Variants in TMEM135 observed in about 807,000 individuals in gnomAD.
The protein encoded by TMEM135 is peroxisomal membrane protein 52.
Under a neutral mutation model 60.3 loss-of-function variants are expected in TMEM135, and 30 were observed. The observed-to-expected ratio is 0.50, with a 90% CI of 0.37 to 0.68. TMEM135 has a LOEUF of 0.68. Ranked by LOEUF, TMEM135 falls within the 30% of genes least tolerant of loss-of-function variation. The pLI, the probability that TMEM135 is intolerant of heterozygous loss-of-function variation, is 0.00. For synonymous variants in TMEM135, 190 were observed against 186.7 expected (o/e 1.02, Z -0.14); for missense variants, 468 against 548.8 (o/e 0.85, Z 1.47).
intron 9 of TMEM135, among the ~76,000 whole-genome samples, chr11:87,307,970 G>A (rs1344178944): frequency 6.6e-6 from 1 of 151,972 alleles, no homozygotes; most frequent in Admixed American, 6.5e-5. Flanking sequence ...TCTCTTTTGG[G>A]TCTATTTAAA....
chr11:87,173,644 A>G (rs1275448783), intron 5 of TMEM135, among the ~76,000 whole-genome samples: 1 of 152,166 alleles, frequency 6.6e-6, no homozygotes, highest in Non-Finnish European at 1.5e-5. Context: ...CCTGTTCTAA[A>G]TCTTAACTTA....
intron 7 of TMEM135, 65 bp from the exon 8 acceptor site, chr11:87,302,230 TC>T: frequency 6.7e-7 from 1 of 1,489,566 alleles, no homozygotes; most frequent in Non-Finnish European, 9.2e-7. Context: ...ATAAACAAAG[TC>T]TTTTTTTTTT....
chr11:87,144,992 A>T (rs1470123542), intron 4 of TMEM135, among the ~76,000 whole-genome samples: 1 of 152,070 alleles, frequency 6.6e-6, no homozygotes, highest in Non-Finnish European at 1.5e-5. Context: ...AGCAATTTGG[A>T]AATGTGCTGT....
In TMEM135 at chr11:87,325,945, T is replaced by C; in HGVS notation, c.*4612T>C. ...TTACATGAAATAATGTATTGGGTTT[T>C]ATCTTTTGTCCCAGCAGACCTGAAA... On this transcript the variant is annotated 3_prime_UTR_variant, in exon 15 of 15. Coordinates refer to ENST00000305494, the MANE Select transcript of TMEM135 (RefSeq NM_022918.4). 2.2e-6 allele frequency: 1 copy of C among 454,074 alleles called. No homozygotes were observed. The highest frequency in any genetic ancestry group is 4.4e-6 in the Non-Finnish European group (1 of 226,794). The allele number at this position is 454,074 out of a possible 1,614,324, so 28.1% of individuals were successfully genotyped here.
intron 5 of TMEM135, among the ~76,000 whole-genome samples, chr11:87,161,488 T>G (rs187613603): frequency 1.7e-4 from 26 of 152,236 alleles, no homozygotes; most frequent in African/African-American, 6.0e-4. Flanking sequence ...AAAGCAGAAA[T>G]TGGTGTTTTT....
chr11:87,266,180 A>G (rs539443143), intron 6 of TMEM135, among the ~76,000 whole-genome samples: 8 of 152,254 alleles, frequency 5.3e-5, no homozygotes, highest in Non-Finnish European at 1.0e-4. Flanking sequence ...AGAGTTATCT[A>G]TATTACAACT....
At chr11:87,065,658 T>A (rs1417421935) in intron 1 of TMEM135, among the ~76,000 whole-genome samples, 1 of 152,196 alleles carries the variant, frequency 6.6e-6, no homozygotes, top group East Asian at 1.9e-4. Context: ...AGAGAAAAAG[T>A]TTGAATTTTG....
At position 87,304,817 on chromosome 11, in the gene TMEM135, A is replaced by C. The variant is rs539142295; in HGVS notation, c.699-1119A>C. 7.9e-5 allele frequency among the ~76,000 whole-genome samples: 12 copies of C among 152,366 alleles called. No homozygotes were observed. The East Asian group carries it at 2.1e-3, about 27-fold the overall frequency. On this transcript the variant is annotated intron_variant, in intron 8 of 14. Coordinates refer to ENST00000305494, the MANE Select transcript of TMEM135 (RefSeq NM_022918.4). ...TAATTAATTAGCTACAATCTGAAAG[A>C]AGTTATAAAGACCGCTTATTTTGGA...
intron 1 of TMEM135, among the ~76,000 whole-genome samples, chr11:87,065,822 C>T (rs959595118): frequency 6.6e-6 from 1 of 152,132 alleles, no homozygotes; most frequent in Non-Finnish European, 1.5e-5. Context: ...GCCTGTGATC[C>T]ATTTTAAATT....
chr11:87,119,892 A>C (rs1334552446), intron 4 of TMEM135, among the ~76,000 whole-genome samples: 3 of 152,226 alleles, frequency 2.0e-5, no homozygotes, highest in Non-Finnish European at 4.4e-5. Flanking sequence ...TTTTAAAAAA[A>C]AAAAAACAGT....
chr11:87,166,855 G>A (rs964871439), intron 5 of TMEM135, among the ~76,000 whole-genome samples: 33 of 152,042 alleles, frequency 2.2e-4, no homozygotes, highest in African/African-American at 7.3e-4. Flanking sequence ...GTCAATGGTA[G>A]CTTGATGGGG....
intron 6 of TMEM135, among the ~76,000 whole-genome samples, chr11:87,276,851 T>C (rs185826679): frequency 6.6e-6 from 1 of 151,798 alleles, no homozygotes; most frequent in African/African-American, 2.4e-5. Flanking sequence ...TTTGTATTTT[T>C]AGTAGTGACA....
At position 87,278,939 on chromosome 11, in the gene TMEM135, G is replaced by A. The variant is rs115347394; in HGVS notation, c.510-16843G>A. On this transcript the variant is annotated intron_variant, in intron 6 of 14. Transcript: ENST00000305494. ...AACTTTTTTCTAGAATTTCACACCA[G>A]TGGAATCATACAGTATGCACCTTTG... 4.2e-3 allele frequency among the ~76,000 whole-genome samples: 636 copies of A among 152,044 alleles called. 4 individuals are homozygous for A. Among genetic ancestry groups the A allele is most frequent in the African/African-American group, 0.015 (603 of 41,482 alleles).
At chr11:87,287,982 A>G (rs1416434735) in intron 6 of TMEM135, among the ~76,000 whole-genome samples, 3 of 152,186 alleles carry the variant, frequency 2.0e-5, no homozygotes, top group African/African-American at 4.8e-5. Flanking sequence ...AACTGTACAA[A>G]TAATATATAA....
chr11:87,097,539 T>G (rs557973278), intron 4 of TMEM135, among the ~76,000 whole-genome samples: 2 of 152,212 alleles, frequency 1.3e-5, no homozygotes, highest in Non-Finnish European at 2.9e-5. Context: ...CTTTTGCCAA[T>G]GTTACCAAAG....
intron 6 of TMEM135, among the ~76,000 whole-genome samples, chr11:87,245,394 G>C (rs185500755): frequency 0.31 from 18,696 of 60,302 alleles, 4,223 homozygotes; most frequent in Middle Eastern, 0.42. Context: ...GAGTTCAATT[G>C]CTAGGTATCC....
At chr11:87,236,613 G>A (rs760278204) in intron 5 of TMEM135, 25 bp from the exon 6 acceptor site, 4 of 1,608,624 alleles carry the variant, frequency 2.5e-6, no homozygotes, top group Non-Finnish European at 3.4e-6. Context: ...TCTTTTGCAA[G>A]TAATATATTT....
chr11:87,190,225 C>T (rs1939765354), intron 5 of TMEM135, among the ~76,000 whole-genome samples: 1 of 152,140 alleles, frequency 6.6e-6, no homozygotes, highest in African/African-American at 2.4e-5. Flanking sequence ...ACATAATCAG[C>T]ATCTCTGTGA....
intron 5 of TMEM135, among the ~76,000 whole-genome samples, chr11:87,194,423 G>A (rs1433730281): frequency 1.3e-5 from 2 of 152,124 alleles, no homozygotes; most frequent in East Asian, 3.8e-4. Flanking sequence ...AAAGACTTTT[G>A]AAATTCTCTT....
Sources: allele counts gnomAD v4.1 joint callset (sites outside exome capture counted in the v4.1 genomes callset), GRCh38; gene constraint gnomAD v4.1.1; transcripts MANE v1.5; gene names NCBI Gene and HGNC (gene_info 2026-07-23, HGNC 2026-07-21).